Variants in CRB1 observed in about 807,000 individuals in gnomAD.
CRB1 encodes protein crumbs homolog 1.
CRB1 carries 83 observed loss-of-function variants against 120.0 expected under a neutral mutation model. The observed-to-expected ratio is 0.69, with a 90% confidence interval of 0.58 to 0.83. The LOEUF is 0.83. Ranked by LOEUF, CRB1 falls within the 40% of genes least tolerant of loss-of-function variation. The probability of loss-of-function intolerance (pLI) is 0.00; values close to 1 mark genes in which losing one functional copy is unlikely to be tolerated. For missense variants in CRB1, 1,699 were observed against 1,687.6 expected, an observed-to-expected ratio of 1.01 and a Z score of -0.12; for synonymous variants, 625 against 612.5, an observed-to-expected ratio of 1.02 and a Z score of -0.30.
chr1:197,335,356 G>A (rs906005517), intron 2 of CRB1, among the ~76,000 whole-genome samples: 1 of 151,916 alleles, frequency 6.6e-6, no homozygotes, highest in Non-Finnish European at 1.5e-5. Context: ...AGGTCACTCT[G>A]CTTATTATGT....
chr1:197,443,489 A>G (rs1287314643), intron 11 of CRB1: 1 of 151,964 alleles, frequency 6.6e-6, no homozygotes, highest in Non-Finnish European at 1.5e-5. Context: ...AAATGGACTA[A>G]TTTCAGTTGC....
chr1:197,277,692 A>G (rs1231689917), intron 1 of CRB1, among the ~76,000 whole-genome samples: 1 of 151,940 alleles, frequency 6.6e-6, no homozygotes, highest in African/African-American at 2.4e-5. Flanking sequence ...TATATTCAGC[A>G]TTAATTTTTA....
chr1:197,235,586 T>G, the CRB1 span, among the ~76,000 whole-genome samples: 2 of 152,126 alleles, frequency 1.3e-5, no homozygotes, highest in Non-Finnish European at 2.9e-5. Flanking sequence ...GAGACTATCC[T>G]AAATTAATCA....
the CRB1 span, among the ~76,000 whole-genome samples, chr1:197,261,877 TTAATTTAA>T: frequency 3.3e-5 from 5 of 152,146 alleles, no homozygotes; most frequent in Non-Finnish European, 7.4e-5. Flanking sequence ...TCAAATAGGG[TTAATTTAA>T]TCTACTTTGT....
chr1:197,337,015 G>C (rs1659192166), intron 2 of CRB1, among the ~76,000 whole-genome samples: 2 of 152,252 alleles, frequency 1.3e-5, no homozygotes, highest in East Asian at 3.9e-4. Context: ...TTTTGGAAAG[G>C]TGTTGCTATG....
intron 5 of CRB1, among the ~76,000 whole-genome samples, chr1:197,376,786 A>G (rs780970953): frequency 1.8e-4 from 28 of 152,270 alleles, no homozygotes; most frequent in Non-Finnish European, 4.0e-4. Flanking sequence ...TGAGTCTTCC[A>G]TTCAAACAGT....
intron 9 of CRB1, among the ~76,000 whole-genome samples, chr1:197,436,133 A>G (rs1365482613): frequency 4.6e-5 from 7 of 152,130 alleles, no homozygotes; most frequent in Non-Finnish European, 8.8e-5. Flanking sequence ...AACTCTCCCA[A>G]AACATAACAA....
At chr1:197,342,988 A>G (rs1449133054) in intron 2 of CRB1, among the ~76,000 whole-genome samples, 2 of 152,232 alleles carry the variant, frequency 1.3e-5, no homozygotes, top group Non-Finnish European at 2.9e-5. Context: ...AGAGCAAGCC[A>G]CTTACCTAGA....
chr1:197,227,290 A>G, the CRB1 span, among the ~76,000 whole-genome samples: 1 of 152,178 alleles, frequency 6.6e-6, no homozygotes, highest in African/African-American at 2.4e-5. Context: ...GTATTGTGTA[A>G]GTACAGCCAT....
intron 5 of CRB1, among the ~76,000 whole-genome samples, chr1:197,377,391 A>G (rs2125393728): frequency 6.6e-6 from 1 of 152,314 alleles, no homozygotes; most frequent in East Asian, 1.9e-4. Context: ...AATCAGTTGA[A>G]GCTTGAGAGA....
chr1:197,248,855 G>A, the CRB1 span, among the ~76,000 whole-genome samples: 1 of 151,908 alleles, frequency 6.6e-6, no homozygotes, highest in African/African-American at 2.4e-5. Flanking sequence ...AAAGGCCACA[G>A]AAGGAACAGA....
chr1:197,322,586 G>T (rs576292264), intron 1 of CRB1, among the ~76,000 whole-genome samples: 1 of 151,966 alleles, frequency 6.6e-6, no homozygotes, highest in African/African-American at 2.4e-5. Flanking sequence ...TGTTAACATG[G>T]TTACAGAAGA....
At chr1:197,293,654 T>A (rs1435579295) in intron 1 of CRB1, among the ~76,000 whole-genome samples, 1 of 152,112 alleles carries the variant, frequency 6.6e-6, no homozygotes, top group Admixed American at 6.5e-5. Context: ...ACTACCTGAC[T>A]TCAGACTATA....
At chr1:197,438,779 G>T in intron 10 of CRB1, 104 bp downstream of exon 10, 4 of 1,408,918 alleles carry the variant, frequency 2.8e-6, no homozygotes, top group Non-Finnish European at 4.0e-6. Flanking sequence ...GTTCCCATAG[G>T]AAAATCTATG....
At chr1:197,423,741 T>A (rs1174669687) in intron 6 of CRB1, among the ~76,000 whole-genome samples, 1 of 152,142 alleles carries the variant, frequency 6.6e-6, no homozygotes, top group Non-Finnish European at 1.5e-5. Flanking sequence ...TGGCTCAATG[T>A]TTTCCAACCA....
At chr1:197,389,250 T>TA (rs2125411925) in intron 5 of CRB1, among the ~76,000 whole-genome samples, 1 of 152,156 alleles carries the variant, frequency 6.6e-6, no homozygotes, top group African/African-American at 2.4e-5. Context: ...TAGCCAAAGA[T>TA]AAAAGCAACT....
At chr1:197,341,540 GA>G (rs67959340) in intron 2 of CRB1, among the ~76,000 whole-genome samples, 5 of 146,836 alleles carry the variant, frequency 3.4e-5, no homozygotes, top group African/African-American at 7.5e-5. Flanking sequence ...CTCCATCTCA[GA>G]AAAAAAAAAG....
At chr1:197,419,509 T>C (rs1664176885) in intron 5 of CRB1, among the ~76,000 whole-genome samples, 1 of 151,970 alleles carries the variant, frequency 6.6e-6, no homozygotes. Flanking sequence ...ATTACAGGCA[T>C]GCGCCACCAT....
In CRB1 at chr1:197,405,124, G is replaced by A. The variant is rs570590310; in HGVS notation, c.1172-15876G>A. Reference sequence around the variant, plus strand: ...CTTTCCACGGTCTCCCTCTGATGCCGAGCCGAAGCTGGACTGTACTGCTGC... The same window carrying A: ...CTTTCCACGGTCTCCCTCTGATGCCAAGCCGAAGCTGGACTGTACTGCTGC... On this transcript the variant is annotated intron_variant, in intron 5 of 11. Coordinates refer to ENST00000367400, the MANE Select transcript of CRB1 (RefSeq NM_201253.3). Among the ~76,000 whole-genome samples the A allele has an allele frequency of 6.9e-3, 1,045 of 151,844 alleles. 14 individuals are homozygous for A. Among genetic ancestry groups the A allele is most frequent in the African/African-American group, 0.024 (974 of 41,364 alleles).
Sources: allele counts gnomAD v4.1 joint callset (sites outside exome capture counted in the v4.1 genomes callset), GRCh38; gene constraint gnomAD v4.1.1; transcripts MANE v1.5; gene names NCBI Gene and HGNC (gene_info 2026-07-23, HGNC 2026-07-21).